The following GRIA1 variants were observed in gnomAD, a reference collection of about 807,000 sequenced individuals.
GRIA1 encodes the protein glutamate ionotropic receptor AMPA type subunit 1.
Under a neutral mutation model 99.2 loss-of-function variants are expected in GRIA1, and 31 were observed. That is an observed-to-expected ratio of 0.31 (90% confidence interval 0.23 to 0.42). GRIA1 has a LOEUF of 0.42. GRIA1 is among the 10% of genes least tolerant of loss of function. The pLI is 1.00. For synonymous variants in GRIA1, 438 were observed against 432.4 expected (o/e 1.01, Z -0.16); for missense variants, 782 against 1,157.5 (o/e 0.68, Z 4.71).
intron 11 of GRIA1, among the ~76,000 whole-genome samples, chr5:153,757,230 T>C (rs1428849227): frequency 1.3e-5 from 2 of 151,916 alleles, no homozygotes; most frequent in African/African-American, 4.8e-5. Context: ...AACAGTCTCC[T>C]TGAAAATACA....
At position 153,811,170 on chromosome 5, in the gene GRIA1, C is replaced by A; in HGVS notation, c.2666C>A (p.Ser889Ter). ...VSHDFPKSMQSIPCMSHSSGM... is the reference protein window; with the variant it reads ...VSHDFPKSMQ Reference sequence around the variant, plus strand: ...CATGACTTCCCCAAGTCCATGCAATCGATTCCTTGCATGAGCCACAGTTCA... The same window carrying A: ...CATGACTTCCCCAAGTCCATGCAATAGATTCCTTGCATGAGCCACAGTTCA... The change falls in exon 16 of 16, where the codon TCG becomes TAG. Residue 889 changes from serine to a stop codon, truncating the protein, a stop_gained. Transcript: ENST00000285900. LOFTEE classifies it high-confidence loss of function. 1 of 1,614,042 alleles carries A rather than the reference C, an allele frequency of 6.2e-7. No homozygotes were observed. Among genetic ancestry groups the A allele is most frequent in the Non-Finnish European group, 8.5e-7 (1 of 1,179,916 alleles).
intron 11 of GRIA1, among the ~76,000 whole-genome samples, chr5:153,709,160 A>G (rs143685851): frequency 2.1e-3 from 313 of 152,360 alleles, no homozygotes; most frequent in African/African-American, 7.3e-3. Context: ...ATTGTTGTTT[A>G]TATATTTCCT....
chr5:153,667,902 T>G (rs1159704934), intron 5 of GRIA1, among the ~76,000 whole-genome samples: 3 of 152,216 alleles, frequency 2.0e-5, no homozygotes. Context: ...TCTAATCCTT[T>G]GAAAATTATA....
intron 2 of GRIA1, among the ~76,000 whole-genome samples, chr5:153,502,697 G>A (rs1221897485): frequency 2.0e-5 from 3 of 152,306 alleles, no homozygotes; most frequent in East Asian, 1.9e-4. Flanking sequence ...TCCAGGTTGA[G>A]GAGGCAGGCA....
intron 15 of GRIA1, among the ~76,000 whole-genome samples, chr5:153,804,712 T>TATTTATTA (rs1766296650): frequency 9.6e-6 from 1 of 103,796 alleles, no homozygotes; most frequent in African/African-American, 4.3e-5. Context: ...CTCTGATCCT[T>TATTTATTA]ATTAATTAAT....
At chr5:153,685,279 A>T (rs1247471026) in intron 7 of GRIA1, among the ~76,000 whole-genome samples, 1 of 152,168 alleles carries the variant, frequency 6.6e-6, no homozygotes, top group Non-Finnish European at 1.5e-5. Flanking sequence ...ACTCAGTTTG[A>T]GAGTGGTCTT....
chr5:153,653,849 G>A (rs1754748862), intron 4 of GRIA1, among the ~76,000 whole-genome samples: 1 of 152,160 alleles, frequency 6.6e-6, no homozygotes, highest in East Asian at 1.9e-4. Context: ...ATCATAGAGG[G>A]TTTTACAGAG....
intron 3 of GRIA1, among the ~76,000 whole-genome samples, chr5:153,649,788 T>C (rs539729736): frequency 6.6e-6 from 1 of 152,286 alleles, no homozygotes; most frequent in East Asian, 1.9e-4. Context: ...AAACACCTAC[T>C]GTGTGAGAGA....
At chr5:153,501,788 T>G (rs1434257328) in intron 2 of GRIA1, among the ~76,000 whole-genome samples, 1 of 152,160 alleles carries the variant, frequency 6.6e-6, no homozygotes, top group Non-Finnish European at 1.5e-5. Flanking sequence ...TGCGTTGTCA[T>G]GGTATGTGGC....
At chr5:153,723,474 A>T (rs1478140296) in intron 11 of GRIA1, among the ~76,000 whole-genome samples, 1 of 152,244 alleles carries the variant, frequency 6.6e-6, no homozygotes, top group Non-Finnish European at 1.5e-5. Flanking sequence ...GGGATCAGGG[A>T]GTTCCCTTTC....
chr5:153,590,687 T>TA lies in GRIA1; in HGVS notation c.221-56232dup, dbSNP rs903541406. ...AATTTACTTTACACCTATATTTTCC[T>TA]AAAAAAAAATTTGTGAAACAAGGGC... On this transcript the variant is annotated intron_variant, in intron 2 of 15. Coordinates refer to ENST00000285900, the MANE Select transcript of GRIA1 (RefSeq NM_000827.4). 3.6e-4 allele frequency among the ~76,000 whole-genome samples: 55 copies of TA among 151,646 alleles called. No homozygotes were observed. The Middle Eastern group carries it at 0.017, about 47-fold the overall frequency.
chr5:153,724,673 G>T (rs1182193916), intron 11 of GRIA1, among the ~76,000 whole-genome samples: 1 of 152,206 alleles, frequency 6.6e-6, no homozygotes, highest in Non-Finnish European at 1.5e-5. Context: ...TGAATGAAAT[G>T]AAGCGAGAAG....
intron 13 of GRIA1, 113 bp downstream of exon 13, chr5:153,770,528 GC>G (rs1763808746): frequency 9.7e-7 from 1 of 1,029,004 alleles, no homozygotes; most frequent in Non-Finnish European, 1.4e-6. Context: ...TGTTGAGGGG[GC>G]TCTTCTTCAA....
intron 11 of GRIA1, among the ~76,000 whole-genome samples, chr5:153,762,363 C>T (rs1763241827): frequency 1.3e-5 from 2 of 152,106 alleles, no homozygotes; most frequent in Admixed American, 1.3e-4. Context: ...CCATTGTGGT[C>T]ATCCAGAGTT....
intron 2 of GRIA1, among the ~76,000 whole-genome samples, chr5:153,539,877 G>A (rs550400589): frequency 7.2e-5 from 11 of 152,332 alleles, no homozygotes; most frequent in South Asian, 4.1e-4. Context: ...AGAGGTCTCC[G>A]TTTCAGCAGC....
chr5:153,703,949 A>G (rs1581502788), intron 10 of GRIA1, among the ~76,000 whole-genome samples: 1 of 152,352 alleles, frequency 6.6e-6, no homozygotes, highest in South Asian at 2.1e-4. Context: ...TTTACAAACA[A>G]AAAAGTAAAT....
intron 11 of GRIA1, among the ~76,000 whole-genome samples, chr5:153,745,589 C>CAAAAAAAAAAAAAAAAAAAAAAAA: frequency 9.9e-6 from 1 of 100,908 alleles, no homozygotes; most frequent in Non-Finnish European, 2.0e-5. Context: ...AACTCTGTCT[C>CAAAAAAAAAAAAAAAAAAAAAAAA]AAAAAAAAAA....
chr5:153,785,462 A>C (rs1764914456), intron 13 of GRIA1, among the ~76,000 whole-genome samples: 3 of 152,216 alleles, frequency 2.0e-5, no homozygotes, highest in Non-Finnish European at 4.4e-5. Flanking sequence ...ACAATATTTT[A>C]TATTGCCAGG....
intron 11 of GRIA1, among the ~76,000 whole-genome samples, chr5:153,737,082 T>G (rs1305141220): frequency 1.1e-4 from 16 of 152,136 alleles, no homozygotes; most frequent in Admixed American, 7.2e-4. Context: ...GCTGTAAGCC[T>G]CGAAGTTCAG....
Sources: allele counts gnomAD v4.1 joint callset (sites outside exome capture counted in the v4.1 genomes callset), GRCh38; gene constraint gnomAD v4.1.1; transcripts MANE v1.5; gene names NCBI Gene and HGNC (gene_info 2026-07-23, HGNC 2026-07-21).